The following SLC26A5 variants were observed in gnomAD, a reference collection of about 807,000 sequenced individuals.
SLC26A5 encodes the protein prestin.
SLC26A5 carries 51 observed loss-of-function variants against 81.0 expected under a neutral mutation model. The ratio of observed to expected loss-of-function variants is 0.63; its 90% CI spans 0.50 to 0.80. SLC26A5 has a LOEUF of 0.80. SLC26A5 is among the 30% of genes least tolerant of loss of function. The probability of loss-of-function intolerance (pLI) is 0.00; values close to 1 mark genes in which losing one functional copy is unlikely to be tolerated. For synonymous variants in SLC26A5, 325 were observed against 332.8 expected (o/e 0.98, Z 0.25); for missense variants, 771 against 905.8 (o/e 0.85, Z 1.91).
At chr7:103,441,900 T>A (rs577488623) in intron 2 of SLC26A5, among the ~76,000 whole-genome samples, 1 of 152,240 alleles carries the variant, frequency 6.6e-6, no homozygotes, top group African/African-American at 2.4e-5. Flanking sequence ...GAGAAAGGCA[T>A]GTTTAGGTTT....
intron 19 of SLC26A5, among the ~76,000 whole-genome samples, chr7:103,375,186 G>C (rs2116329226): frequency 6.7e-6 from 1 of 149,680 alleles, no homozygotes; most frequent in South Asian, 2.1e-4. Flanking sequence ...ACTATATATA[G>C]ATAATTCTGA....
At chr7:103,355,649 T>C (rs1188396535) in intron 19 of SLC26A5, 3 of 1,392,674 alleles carry the variant, frequency 2.2e-6, no homozygotes. Context: ...TATTATAGGG[T>C]GATGCATTAC....
At chr7:103,413,175 T>G in intron 4 of SLC26A5, 63 bp from the exon 5 acceptor site, 6 of 1,127,820 alleles carry the variant, frequency 5.3e-6, no homozygotes, top group Non-Finnish European at 6.7e-6. Context: ...TTACATGTGT[T>G]TTTCTCTTGG....
chr7:103,426,181 A>G (rs1296544287), intron 2 of SLC26A5, among the ~76,000 whole-genome samples: 1 of 152,192 alleles, frequency 6.6e-6, no homozygotes, highest in African/African-American at 2.4e-5. Flanking sequence ...TCACAACAAA[A>G]GAGAGTTGTG....
downstream of SLC26A5, among the ~76,000 whole-genome samples, chr7:103,373,914 C>T (rs1388912740): frequency 6.6e-6 from 1 of 152,120 alleles, no homozygotes; most frequent in Non-Finnish European, 1.5e-5. Context: ...TGCATTTATA[C>T]TGCTTCTATA....
At chr7:103,389,652 T>G (rs1822487703) in intron 12 of SLC26A5, among the ~76,000 whole-genome samples, 1 of 152,196 alleles carries the variant, frequency 6.6e-6, no homozygotes, top group African/African-American at 2.4e-5. Flanking sequence ...AGATGAAGTC[T>G]TGCTCTGTCG....
intron 19 of SLC26A5, among the ~76,000 whole-genome samples, chr7:103,357,235 A>G (rs1156787133): frequency 6.6e-6 from 1 of 151,644 alleles, no homozygotes; most frequent in African/African-American, 2.4e-5. Flanking sequence ...CTGAGGCAGG[A>G]GAATCGCTTG....
intron 2 of SLC26A5, among the ~76,000 whole-genome samples, chr7:103,425,993 A>G (rs1184977698): frequency 6.6e-6 from 1 of 152,220 alleles, no homozygotes; most frequent in Non-Finnish European, 1.5e-5. Context: ...CCACCCATCC[A>G]TGTACCCAGC....
chr7:103,360,038 G>A (rs922490204), intron 19 of SLC26A5, among the ~76,000 whole-genome samples: 2 of 150,838 alleles, frequency 1.3e-5, no homozygotes, highest in African/African-American at 2.4e-5. Context: ...TCAAGATCGC[G>A]CCACTGCACT....
intron 2 of SLC26A5, among the ~76,000 whole-genome samples, chr7:103,425,408 T>C (rs1043858115): frequency 6.6e-6 from 1 of 152,200 alleles, no homozygotes; most frequent in Admixed American, 6.5e-5. Flanking sequence ...CATTTCTTTA[T>C]AGCATCCTAA....
At chr7:103,436,436 A>T (rs1428526077) in intron 2 of SLC26A5, among the ~76,000 whole-genome samples, 1 of 152,168 alleles carries the variant, frequency 6.6e-6, no homozygotes, top group Non-Finnish European at 1.5e-5. Flanking sequence ...ACTATTTTCT[A>T]AACTACCAAT....
chr7:103,400,777 T>C (rs1049774137), intron 8 of SLC26A5, among the ~76,000 whole-genome samples: 7 of 152,210 alleles, frequency 4.6e-5, no homozygotes, highest in Non-Finnish European at 8.8e-5. Context: ...GTTTTCCACA[T>C]ATGGCTAGCC....
downstream of SLC26A5, among the ~76,000 whole-genome samples, chr7:103,371,603 C>A (rs575149083): frequency 4.6e-5 from 7 of 151,954 alleles, no homozygotes; most frequent in African/African-American, 9.6e-5. Flanking sequence ...GGATTACAGG[C>A]GTGAGCCACT....
chr7:103,359,421 ACTAT>A (rs1563489697), intron 19 of SLC26A5, among the ~76,000 whole-genome samples: 1 of 152,234 alleles, frequency 6.6e-6, no homozygotes, highest in Non-Finnish European at 1.5e-5. Flanking sequence ...ATTGATCATC[ACTAT>A]CTAATTCCAG....
At chr7:103,364,370 A>T (rs1820577740) in intron 19 of SLC26A5, 10 of 1,571,138 alleles carry the variant, frequency 6.4e-6, no homozygotes, top group South Asian at 1.2e-5. Context: ...GAATGAAATT[A>T]AAAATGGCAC....
At chr7:103,396,053 G>A (rs1038462281) in intron 9 of SLC26A5, among the ~76,000 whole-genome samples, 9 of 152,156 alleles carry the variant, frequency 5.9e-5, no homozygotes, top group African/African-American at 1.9e-4. Flanking sequence ...TGGCCACCTG[G>A]CAGGTAAGGA....
chr7:103,397,263 C>G (rs936801849), intron 9 of SLC26A5, among the ~76,000 whole-genome samples: 2 of 151,058 alleles, frequency 1.3e-5, no homozygotes, highest in African/African-American at 4.9e-5. Flanking sequence ...AAAAATTAGC[C>G]GGGTGTGGTG....
chr7:103,391,890 A>C (rs966496103), intron 10 of SLC26A5, among the ~76,000 whole-genome samples, 155 bp from the exon 11 acceptor site: 3 of 152,228 alleles, frequency 2.0e-5, no homozygotes, highest in African/African-American at 7.2e-5. Context: ...TCAAAATAGG[A>C]ATTATGGCAT....
chr7:103,354,300 T>C (rs1201002050), intron 19 of SLC26A5, among the ~76,000 whole-genome samples: 2 of 152,178 alleles, frequency 1.3e-5, no homozygotes, highest in East Asian at 1.9e-4. Context: ...CAAGTATTAC[T>C]GAATTAGTTC....
Sources: gnomAD v4.1 joint callset for allele counts (sites outside exome capture counted in the v4.1 genomes callset) on GRCh38, gnomAD v4.1.1 for gene constraint, MANE v1.5 for transcripts, NCBI Gene and HGNC (gene_info 2026-07-23, HGNC 2026-07-21) for gene names.